Variants in NUMBL observed in about 807,000 individuals in gnomAD.
NUMBL encodes the protein numb-like protein.
NUMBL carries 20 observed loss-of-function variants against 48.9 expected under a neutral mutation model. That is an observed-to-expected ratio of 0.41 (90% CI 0.29 to 0.59). NUMBL has a LOEUF of 0.59. Among genes scored for constraint, NUMBL ranks in the 20% least tolerant of loss-of-function variants. The pLI is 0.31. For missense variants in NUMBL, 660 were observed against 846.2 expected (o/e 0.78, Z 2.73); for synonymous variants, 340 against 348.7 (o/e 0.98, Z 0.28).
Position 40,690,449 on chromosome 19 carries a change from G to A in NUMBL, c.24+11C>T. 7.8e-7 allele frequency: 1 copy of A among 1,284,966 alleles called. No individual in the cohort carries two copies. 79.6% of individuals were successfully genotyped at this position (1,284,966 alleles called of 1,614,324 possible). On this transcript the variant is annotated intron_variant, in intron 1 of 9. Transcript: ENST00000252891. ...CCCCCGACCCGAGCCCCCCTCTCCC[G>A]CCCTTCTCACGCTGGCCGCCGCGCT...
intron 7 of NUMBL, among the ~76,000 whole-genome samples, chr19:40,676,768 G>A (rs533394338): frequency 5.9e-5 from 9 of 151,746 alleles, no homozygotes; most frequent in South Asian, 2.1e-4. Context: ...CACTTGGTGC[G>A]CCCTTAGAAT....
chr19:40,667,859 A>T lies in NUMBL; in HGVS notation c.1439T>A (p.Phe480Tyr). The T allele has an allele frequency of 6.3e-7, 1 of 1,590,304 alleles. No homozygotes were observed. The highest frequency in any genetic ancestry group is 8.6e-7 in the Non-Finnish European group (1 of 1,168,470). The change falls in exon 10 of 10, where the codon TTC becomes TAC. Residue 480 changes from phenylalanine (F) to tyrosine (Y), a missense_variant. Coordinates refer to ENST00000252891, the MANE Select transcript of NUMBL (RefSeq NM_004756.5). The surrounding 1 kb of genome is among the most constrained non-coding windows in gnomAD (Gnocchi z 6.1). Reference sequence around the variant, plus strand: ...GGGCTGCATGTGTGGGGGTGGCAGGAACACGGCCACTTGGGCAGGTGCAGC... The same window carrying T: ...GGGCTGCATGTGTGGGGGTGGCAGGTACACGGCCACTTGGGCAGGTGCAGC... Reference protein sequence around the residue: ...FDAAPAQVAVFLPPPHMQPPF... With the variant: ...FDAAPAQVAVYLPPPHMQPPF...
intron 2 of NUMBL, chr19:40,685,838 T>G (rs1041332414): frequency 6.5e-6 from 1 of 153,450 alleles, no homozygotes; most frequent in African/African-American, 2.4e-5. Flanking sequence ...TGAGCCTGTG[T>G]GACTGTGGCT....
intron 7 of NUMBL, 141 bp downstream of exon 7, chr19:40,677,091 G>T: frequency 1.1e-6 from 1 of 891,624 alleles, no homozygotes; most frequent in Non-Finnish European, 1.7e-6. Flanking sequence ...TGGGATTACA[G>T]GTGTGAACCA....
chr19:40,684,108 G>T, intron 3 of NUMBL: 1 of 178,758 alleles, frequency 5.6e-6, no homozygotes, highest in South Asian at 1.0e-4. Flanking sequence ...CTGCTCTGTC[G>T]CCCAGGCTGG....
In NUMBL at chr19:40,690,507, C is replaced by T; in HGVS notation, c.-24G>A. The T allele has an allele frequency of 7.9e-7, 1 of 1,267,180 alleles. No individual in the cohort carries two copies. 78.5% of individuals were successfully genotyped at this position (1,267,180 alleles called of 1,614,324 possible). A position where few individuals can be genotyped will look rare whatever the true frequency, so the allele number is the denominator to read the frequency against. Reference sequence around the variant, plus strand: ...ATCCAGGGCCCGGGCGCCCCCGCCTCCCGCGGCCCTGGCTGGGCCTGGCTC... The same window carrying T: ...ATCCAGGGCCCGGGCGCCCCCGCCTTCCGCGGCCCTGGCTGGGCCTGGCTC... On this transcript the variant is annotated 5_prime_UTR_variant, in exon 1 of 10. Coordinates refer to ENST00000252891, the MANE Select transcript of NUMBL (RefSeq NM_004756.5).
At chr19:40,681,968 C>T (rs1360288539) in intron 5 of NUMBL, among the ~76,000 whole-genome samples, 1 of 152,062 alleles carries the variant, frequency 6.6e-6, no homozygotes, top group Non-Finnish European at 1.5e-5. Context: ...CCACCGTGCC[C>T]AGCCCACATT....
intron 9 of NUMBL, among the ~76,000 whole-genome samples, chr19:40,669,467 T>A (rs559779573): frequency 1.5e-3 from 223 of 151,952 alleles, no homozygotes; most frequent in African/African-American, 4.7e-3. Flanking sequence ...GGTAATCCCA[T>A]GGCTCTAAGA....
chr19:40,678,705 C>CT (rs1163273347), intron 6 of NUMBL, among the ~76,000 whole-genome samples: 1 of 152,124 alleles, frequency 6.6e-6, no homozygotes, highest in Non-Finnish European at 1.5e-5. Context: ...ACAATCATAT[C>CT]TTTCGCTTTG....
chr19:40,667,545 C>T lies in NUMBL; in HGVS notation c.1753G>A (p.Glu585Lys), dbSNP rs1432841555. ...DPFEAQWAAL[E>K]GKATVEKPSN... is the part of the protein sequence containing the mutation. ...GGTTTCTCTACAGTGGCTTTGCCTT[C>T]TAATGCCGCCCACTGGGCCTCAAAG... The change falls in exon 10 of 10, where the codon GAA (glutamate) becomes AAA (lysine). Residue 585 changes from glutamate to lysine, a missense_variant. This residue lies in a region of NUMBL where 296 missense variants were observed against 339.7 expected (regional missense o/e 0.87). Coordinates refer to ENST00000252891, the MANE Select transcript of NUMBL (RefSeq NM_004756.5). This position sits in a 1 kb window ranked among gnomAD's most constrained non-coding sequence, Gnocchi z 6.1. The T allele has an allele frequency of 6.4e-7, 1 of 1,567,382 alleles. No individual in the cohort carries two copies. The highest frequency in any genetic ancestry group is 2.3e-5 in the East Asian group (1 of 42,854).
At chr19:40,671,254 CAG>C (rs2081846084) in intron 8 of NUMBL, among the ~76,000 whole-genome samples, 1 of 152,164 alleles carries the variant, frequency 6.6e-6, no homozygotes, top group Non-Finnish European at 1.5e-5. Context: ...GCTGGGATTA[CAG>C]GTGTGAGCCA....
chr19:40,666,908 T>A lies in NUMBL; in HGVS notation c.*560A>T, dbSNP rs560986209. 1 of 155,062 alleles carries A rather than the reference T, an allele frequency of 6.4e-6. No individual in the cohort carries two copies. The highest frequency in any genetic ancestry group is 1.4e-5 in the Non-Finnish European group (1 of 69,524). 9.6% of individuals were successfully genotyped at this position (155,062 alleles called of 1,614,324 possible). A position where few individuals can be genotyped will look rare whatever the true frequency, so the allele number is the denominator to read the frequency against. ...GCCCCCAACTTGGCCCTAGCCCCCA[T>A]GAGACCTTGGCCCAAGGAAGACATG... On this transcript the variant is annotated 3_prime_UTR_variant, in exon 10 of 10. Coordinates refer to ENST00000252891, the MANE Select transcript of NUMBL (RefSeq NM_004756.5).
intron 3 of NUMBL, chr19:40,683,171 C>T (rs568375389): frequency 2.1e-5 from 13 of 626,506 alleles, no homozygotes; most frequent in East Asian, 1.4e-4. Context: ...AAGCACAGCA[C>T]GTAGTAGTGA....
chr19:40,682,281 C>A lies in NUMBL; in HGVS notation c.399+447G>T, dbSNP rs2144662524. Reference sequence around the variant, plus strand: ...AGCTAGGATTACAGGTACACACCACCATGTCCAGCTAATTTTTGTATTTTT... The same window carrying A: ...AGCTAGGATTACAGGTACACACCACAATGTCCAGCTAATTTTTGTATTTTT... On this transcript the variant is annotated intron_variant, in intron 5 of 9. Coordinates refer to ENST00000252891, the MANE Select transcript of NUMBL (RefSeq NM_004756.5). This position sits in a 1 kb window ranked among gnomAD's most constrained non-coding sequence, Gnocchi z 4.0. 6.6e-6 allele frequency among the ~76,000 whole-genome samples: 1 copy of A among 152,264 alleles called. No homozygotes were observed. Among genetic ancestry groups the A allele is most frequent in the South Asian group, 2.1e-4 (1 of 4,826 alleles).
chr19:40,677,508 T>C (rs757523250), intron 6 of NUMBL, 87 bp from the exon 7 acceptor site: 109 of 1,278,824 alleles, frequency 8.5e-5, no homozygotes, highest in Non-Finnish European at 1.1e-4. Context: ...CGCTAGGTAC[T>C]GGGTTGCCCC....
intron 3 of NUMBL, among the ~76,000 whole-genome samples, chr19:40,683,389 G>A (rs1365418326): frequency 6.6e-6 from 1 of 152,224 alleles, no homozygotes; most frequent in Admixed American, 6.5e-5. Context: ...TCTGCAGGTG[G>A]GATGACTGTT....
chr19:40,689,709 GT>G (rs1261880457), intron 1 of NUMBL: 1 of 152,362 alleles, frequency 6.6e-6, no homozygotes, highest in Non-Finnish European at 1.5e-5. Flanking sequence ...TTGTCTGCGG[GT>G]GGGGCCACTC....
chr19:40,680,119 T>A (rs1418397519), intron 6 of NUMBL, among the ~76,000 whole-genome samples: 1 of 150,424 alleles, frequency 6.6e-6, no homozygotes, highest in African/African-American at 2.5e-5. Context: ...TTCATTCTCA[T>A]CCCCAAATAG....
At chr19:40,676,022 G>A (rs117680497) in intron 7 of NUMBL, among the ~76,000 whole-genome samples, 4,383 of 152,020 alleles carry the variant, frequency 0.029, 113 homozygotes, top group Non-Finnish European at 0.036. Context: ...GCACCACCAC[G>A]CCTGGCTAAT....
Sources: gnomAD v4.1 joint callset for allele counts (sites outside exome capture counted in the v4.1 genomes callset) on GRCh38, gnomAD v4.1.1 for gene constraint, gnomAD v4.1.1 regional missense constraint, Gnocchi (gnomAD v3.1) non-coding constraint, MANE v1.5 for transcripts, NCBI Gene and HGNC (gene_info 2026-07-23, HGNC 2026-07-21) for gene names.